PMFBP1: variants seen among roughly 807,000 people sequenced by gnomAD.
PMFBP1 encodes polyamine modulated factor 1 binding protein 1.
In PMFBP1, 131 loss-of-function variants were observed where a neutral mutation model predicts 137.8. That is an observed-to-expected ratio of 0.95 (90% CI 0.82 to 1.10). The LOEUF (loss-of-function observed/expected upper bound fraction) is 1.10. Ranked by LOEUF, PMFBP1 falls within the 50% of genes least tolerant of loss-of-function variation. The pLI is 0.00. For synonymous variants in PMFBP1, 490 were observed against 450.4 expected (o/e 1.09, Z -1.11); for missense variants, 1,199 against 1,175.4 (o/e 1.02, Z -0.29).
At chr16:72,149,621 A>G (rs2042869876) in intron 5 of PMFBP1, among the ~76,000 whole-genome samples, 1 of 152,138 alleles carries the variant, frequency 6.6e-6, no homozygotes, top group South Asian at 2.1e-4. Context: ...TCAGGCATTC[A>G]AGACCAGCCT....
chr16:72,171,483 C>A (rs998637794), intron 1 of PMFBP1: 17 of 465,018 alleles, frequency 3.7e-5, no homozygotes, highest in Non-Finnish European at 6.6e-5. Flanking sequence ...TTCCAGAAAA[C>A]CACTACTTGG....
intron 3 of PMFBP1, among the ~76,000 whole-genome samples, chr16:72,161,019 C>T (rs976073831): frequency 1.3e-5 from 2 of 151,654 alleles, no homozygotes; most frequent in Admixed American, 6.6e-5. Context: ...ACTTCTGTTC[C>T]TATCTTTGAA....
At chr16:72,166,550 G>A (rs1272287939) in intron 2 of PMFBP1, among the ~76,000 whole-genome samples, 20 of 152,190 alleles carry the variant, frequency 1.3e-4, no homozygotes, top group Non-Finnish European at 1.8e-4. Context: ...AGGATTCATG[G>A]CATCTATTAA....
chr16:72,222,111 T>C, the PMFBP1 span, among the ~76,000 whole-genome samples: 1 of 152,112 alleles, frequency 6.6e-6, no homozygotes, highest in Non-Finnish European at 1.5e-5. Context: ...AGAGTTGGGG[T>C]TGCAATCCTG....
At chr16:72,158,846 T>C (rs1399717298) in intron 3 of PMFBP1, among the ~76,000 whole-genome samples, 1 of 151,806 alleles carries the variant, frequency 6.6e-6, no homozygotes, top group East Asian at 1.9e-4. Flanking sequence ...AGTAAAAAAA[T>C]TAGCCATGCA....
intron 9 of PMFBP1, 69 bp downstream of exon 9, chr16:72,136,379 C>G (rs1163577706): frequency 6.5e-7 from 1 of 1,542,836 alleles, no homozygotes; most frequent in Non-Finnish European, 8.8e-7. Context: ...GAAGGCAGAA[C>G]CGGTTAATGC....
chr16:72,175,168 G>A (rs1282563912), upstream of PMFBP1, among the ~76,000 whole-genome samples: 1 of 152,138 alleles, frequency 6.6e-6, no homozygotes, highest in Non-Finnish European at 1.5e-5. Context: ...TCTGCCCTTC[G>A]ATCACTAAAC....
chr16:72,128,093 T>C (rs1039700205), intron 14 of PMFBP1, among the ~76,000 whole-genome samples: 4 of 152,234 alleles, frequency 2.6e-5, no homozygotes, highest in Admixed American at 6.5e-5. Context: ...CATCACTTGC[T>C]GGTCAGTGAC....
chr16:72,236,843 T>C, the PMFBP1 span, among the ~76,000 whole-genome samples: 7 of 152,186 alleles, frequency 4.6e-5, no homozygotes, highest in Non-Finnish European at 8.8e-5. Flanking sequence ...GTGATATGTA[T>C]AGTACTTTCA....
chr16:72,221,250 G>A, the PMFBP1 span, among the ~76,000 whole-genome samples: 2 of 152,086 alleles, frequency 1.3e-5, no homozygotes. Flanking sequence ...TTAGGAGCTG[G>A]TGCAGACCTC....
the PMFBP1 span, among the ~76,000 whole-genome samples, chr16:72,188,943 C>A: frequency 6.6e-6 from 1 of 152,164 alleles, no homozygotes; most frequent in Non-Finnish European, 1.5e-5. Context: ...GGGTCCCCGA[C>A]CAAGGGAGCG....
the PMFBP1 span, among the ~76,000 whole-genome samples, chr16:72,202,036 A>C: frequency 2.0e-5 from 3 of 152,300 alleles, no homozygotes; most frequent in South Asian, 2.1e-4. Context: ...TATTAGAGAG[A>C]AATTACTTTT....
chr16:72,180,988 C>T (rs957785580), upstream of PMFBP1, among the ~76,000 whole-genome samples: 2 of 152,042 alleles, frequency 1.3e-5, no homozygotes, highest in African/African-American at 4.8e-5. Flanking sequence ...GGCCTGTAAT[C>T]CCAGCACTTT....
At chr16:72,156,598 C>T (rs1034869162) in intron 3 of PMFBP1, among the ~76,000 whole-genome samples, 13 of 151,014 alleles carry the variant, frequency 8.6e-5, no homozygotes, top group South Asian at 2.1e-4. Context: ...CCAGCCTGAG[C>T]GACAGAGTGA....
At chr16:72,198,587 G>C in the PMFBP1 span, among the ~76,000 whole-genome samples, 1 of 152,108 alleles carries the variant, frequency 6.6e-6, no homozygotes, top group African/African-American at 2.4e-5. Flanking sequence ...AAGGAACATA[G>C]CTTTCATAGT....
At chr16:72,213,447 C>T in the PMFBP1 span, among the ~76,000 whole-genome samples, 2 of 152,174 alleles carry the variant, frequency 1.3e-5, no homozygotes, top group Non-Finnish European at 2.9e-5. Context: ...TTGTGAGCTG[C>T]CCTGTGGAGA....
chr16:72,131,882 A>G (rs565018483), intron 10 of PMFBP1, among the ~76,000 whole-genome samples: 7 of 152,254 alleles, frequency 4.6e-5, no homozygotes, highest in African/African-American at 1.4e-4. Flanking sequence ...GTCTCACTCT[A>G]TTGCCCAGTC....
At chr16:72,227,166 G>C in the PMFBP1 span, among the ~76,000 whole-genome samples, 2 of 152,064 alleles carry the variant, frequency 1.3e-5, no homozygotes, top group South Asian at 2.1e-4. Context: ...GCATTTAATA[G>C]GAAAAGAAAC....
At chr16:72,221,001 A>G in the PMFBP1 span, among the ~76,000 whole-genome samples, 1 of 152,100 alleles carries the variant, frequency 6.6e-6, no homozygotes, top group Admixed American at 6.5e-5. Flanking sequence ...TTCCTGCTGC[A>G]GCTTCTCAGC....
Sources: allele counts gnomAD v4.1 joint callset (sites outside exome capture counted in the v4.1 genomes callset), GRCh38; gene constraint gnomAD v4.1.1; transcripts MANE v1.5; gene names NCBI Gene and HGNC (gene_info 2026-07-23, HGNC 2026-07-21).